WDR7: variants seen among roughly 807,000 people sequenced by gnomAD.
The protein encoded by WDR7 is WD repeat-containing protein 7.
A neutral mutation model predicts 169.4 loss-of-function variants in WDR7; 46 were observed. The ratio of observed to expected loss-of-function variants is 0.27; its 90% confidence interval spans 0.21 to 0.35. The LOEUF (loss-of-function observed/expected upper bound fraction) is 0.35. WDR7 is among the 10% of genes least tolerant of loss of function. The pLI is 1.00. For missense variants in WDR7, 1,534 were observed against 1,859.3 expected, an observed-to-expected ratio of 0.83 and a Z score of 3.22; for synonymous variants, 612 against 666.8, an observed-to-expected ratio of 0.92 and a Z score of 1.27.
At position 56,757,025 on chromosome 18, in the gene WDR7, G is replaced by A. The variant is rs753092437; in HGVS notation, c.2432G>A (p.Gly811Asp). Reference protein sequence around the residue: ...KLFMSCLHAWGLNEVLDEVCL... With the variant: ...KLFMSCLHAWDLNEVLDEVCL... ...TTTATGTCCTGCCTTCACGCCTGGG[G>A]TTTGAATGAAGTACTGGATGAAGTT... is the stretch of plus-strand genomic sequence containing the variant. The change falls in exon 15 of 28, where the codon GGT (glycine) becomes GAT (aspartate). Residue 811 changes from glycine (G) to aspartate (D), a missense_variant. Transcript: ENST00000254442. 3 of 1,614,132 alleles carry A rather than the reference G, an allele frequency of 1.9e-6. No homozygotes were observed. In the South Asian group the frequency reaches 3.3e-5, roughly 18 times the overall value.
At chr18:56,769,911 T>C (rs9963784) in intron 16 of WDR7, among the ~76,000 whole-genome samples, 10,161 of 152,256 alleles carry the variant, frequency 0.067, 785 homozygotes, top group African/African-American at 0.19. Context: ...CGGATTTGAC[T>C]TTCTGTGCCT....
At chr18:56,800,962 C>T (rs1213411725) in intron 19 of WDR7, among the ~76,000 whole-genome samples, 1 of 152,102 alleles carries the variant, frequency 6.6e-6, no homozygotes, top group Non-Finnish European at 1.5e-5. Context: ...TGTGAGTGGA[C>T]AGAACTGGGA....
rs1178762519 is a variant in WDR7 at position 56,706,999 on chromosome 18, T to A, written c.1578+10537T>A. ...CCCGCCAAATTTTTATTTTTTTTTT[T>A]GAGAGAGAGTCTCACTCTGCCACCC... On this transcript the variant is annotated intron_variant, in intron 12 of 27. Coordinates refer to ENST00000254442, the MANE Select transcript of WDR7 (RefSeq NM_015285.3). 6.6e-5 allele frequency among the ~76,000 whole-genome samples: 10 copies of A among 151,122 alleles called. No individual in the cohort carries two copies. The East Asian group carries it at 9.7e-4, about 15-fold the overall frequency.
chr18:56,853,120 A>G (rs2145375378), intron 20 of WDR7, among the ~76,000 whole-genome samples: 1 of 152,326 alleles, frequency 6.6e-6, no homozygotes, highest in East Asian at 1.9e-4. Flanking sequence ...AAAATTAGAG[A>G]AGTAATATGA....
intron 1 of WDR7, among the ~76,000 whole-genome samples, chr18:56,655,985 A>G (rs925876089): frequency 4.6e-5 from 7 of 152,178 alleles, no homozygotes; most frequent in Admixed American, 1.3e-4. Flanking sequence ...AAGTTTAACC[A>G]TTCACCTGCA....
intron 26 of WDR7, among the ~76,000 whole-genome samples, chr18:56,983,556 AACAC>A (rs957476086): frequency 8.0e-5 from 7 of 88,026 alleles, no homozygotes; most frequent in East Asian, 4.0e-4. Context: ...TATTTCAATA[AACAC>A]ACACACACAC....
At position 57,028,491 on chromosome 18, in the gene WDR7, T is replaced by A. The variant is rs1222147513; in HGVS notation, c.*1284T>A. 4 of 152,242 alleles carry A rather than the reference T, an allele frequency of 2.6e-5. No homozygotes were observed. Among genetic ancestry groups the A allele is most frequent in the Admixed American group, 2.0e-4 (3 of 15,288 alleles). The allele number at this position is 152,242 out of a possible 1,614,324, so 9.4% of individuals were successfully genotyped here. ...CTGTATATACTTGTGAGGGGTTGTT[T>A]GGTTGCCTAATTGTTGATTGGTTGG... is the stretch of plus-strand genomic sequence containing the variant. On this transcript the variant is annotated 3_prime_UTR_variant, in exon 28 of 28. Transcript: ENST00000254442.
intron 14 of WDR7, among the ~76,000 whole-genome samples, chr18:56,747,440 A>G (rs972750415): frequency 2.6e-5 from 4 of 152,204 alleles, no homozygotes; most frequent in Non-Finnish European, 4.4e-5. Flanking sequence ...TTCATTCAGC[A>G]CATATTGAAT....
intron 22 of WDR7, among the ~76,000 whole-genome samples, chr18:56,926,364 A>G (rs2046808590): frequency 6.6e-6 from 1 of 152,204 alleles, no homozygotes; most frequent in Non-Finnish European, 1.5e-5. Flanking sequence ...CTTGAGAAAC[A>G]TTCACATTTT....
intron 16 of WDR7, among the ~76,000 whole-genome samples, chr18:56,763,213 T>A (rs1037199139): frequency 6.6e-6 from 1 of 152,162 alleles, no homozygotes; most frequent in South Asian, 2.1e-4. Flanking sequence ...CCCACAGTGC[T>A]GGGATTACAT....
intron 16 of WDR7, among the ~76,000 whole-genome samples, chr18:56,774,020 T>TA (rs1346338182): frequency 1.3e-5 from 2 of 152,108 alleles, no homozygotes; most frequent in African/African-American, 4.8e-5. Flanking sequence ...GAAAAAAACT[T>TA]ACTTTTTTAA....
intron 25 of WDR7, among the ~76,000 whole-genome samples, chr18:56,949,953 C>G (rs1429345903): frequency 6.6e-6 from 1 of 152,140 alleles, no homozygotes; most frequent in African/African-American, 2.4e-5. Context: ...TACTTAAAAG[C>G]TTGAATTTAT....
intron 26 of WDR7, among the ~76,000 whole-genome samples, chr18:57,003,336 A>G (rs2048009331): frequency 6.6e-6 from 1 of 152,130 alleles, no homozygotes; most frequent in Non-Finnish European, 1.5e-5. Flanking sequence ...CTAAAAAAAT[A>G]CAAAAAAGGA....
At chr18:56,917,363 C>T (rs963677390) in intron 21 of WDR7, among the ~76,000 whole-genome samples, 5 of 152,052 alleles carry the variant, frequency 3.3e-5, no homozygotes, top group South Asian at 2.1e-4. Context: ...GAAAATGATA[C>T]GTGATGCTTA....
intron 20 of WDR7, among the ~76,000 whole-genome samples, chr18:56,851,207 T>C (rs1002771505): frequency 3.3e-5 from 5 of 152,172 alleles, no homozygotes; most frequent in Non-Finnish European, 7.4e-5. Flanking sequence ...CTTCATGATA[T>C]GACCCTCTGG....
chr18:56,698,948 C>T (rs1299621404), intron 12 of WDR7, among the ~76,000 whole-genome samples: 3 of 151,924 alleles, frequency 2.0e-5, no homozygotes, highest in African/African-American at 7.2e-5. Flanking sequence ...TTGGGTGATG[C>T]AATAATCTGT....
At chr18:56,891,984 T>C (rs951092237) in intron 21 of WDR7, among the ~76,000 whole-genome samples, 1 of 152,124 alleles carries the variant, frequency 6.6e-6, no homozygotes, top group African/African-American at 2.4e-5. Flanking sequence ...TTGTAAATAA[T>C]ATATGTTGTA....
intron 19 of WDR7, among the ~76,000 whole-genome samples, chr18:56,798,381 G>A (rs1219271173): frequency 6.6e-6 from 1 of 152,112 alleles, no homozygotes; most frequent in Non-Finnish European, 1.5e-5. Context: ...AACCTGCAGC[G>A]ATTTTACATA....
At chr18:56,793,795 A>C (rs996950198) in intron 19 of WDR7, among the ~76,000 whole-genome samples, 6 of 152,226 alleles carry the variant, frequency 3.9e-5, no homozygotes, top group African/African-American at 1.4e-4. Context: ...GCCAGAAAAC[A>C]TTTAAATGCT....
Sources: gnomAD v4.1 joint callset for allele counts (sites outside exome capture counted in the v4.1 genomes callset) on GRCh38, gnomAD v4.1.1 for gene constraint, MANE v1.5 for transcripts, NCBI Gene and HGNC (gene_info 2026-07-23, HGNC 2026-07-21) for gene names.